The following ATP8A2 variants were observed in gnomAD, a reference collection of about 807,000 sequenced individuals.
ATP8A2 encodes the protein phospholipid-transporting ATPase IB.
In ATP8A2, 100 loss-of-function variants were observed where a neutral mutation model predicts 165.6. The observed-to-expected ratio is 0.60, with a 90% confidence interval of 0.51 to 0.71. ATP8A2 has a LOEUF of 0.71. ATP8A2 is among the 30% of genes least tolerant of loss of function. The pLI is 0.00. For synonymous variants in ATP8A2, 543 were observed against 548.8 expected, an observed-to-expected ratio of 0.99 and a Z score of 0.15; for missense variants, 1,227 against 1,479.5, an observed-to-expected ratio of 0.83 and a Z score of 2.80.
At chr13:25,377,770 C>T (rs1352648657) in intron 1 of ATP8A2, among the ~76,000 whole-genome samples, 1 of 152,046 alleles carries the variant, frequency 6.6e-6, no homozygotes. Flanking sequence ...CCAGTCTGGG[C>T]AACAGGGTGA....
chr13:25,429,193 A>C (rs115876846), intron 1 of ATP8A2, among the ~76,000 whole-genome samples: 3,602 of 151,066 alleles, frequency 0.024, 149 homozygotes, highest in African/African-American at 0.082. Flanking sequence ...CATTGTGAAA[A>C]CTCGTCTCTA....
At chr13:25,812,994 C>A (rs1950916369) in intron 27 of ATP8A2, among the ~76,000 whole-genome samples, 1 of 152,102 alleles carries the variant, frequency 6.6e-6, no homozygotes, top group Admixed American at 6.6e-5. Context: ...AGACCAAACA[C>A]CGCATGGGGA....
intron 25 of ATP8A2, among the ~76,000 whole-genome samples, chr13:25,730,076 AC>A (rs2043585501): frequency 6.9e-6 from 1 of 144,174 alleles, no homozygotes; most frequent in Non-Finnish European, 1.5e-5. Flanking sequence ...GATTGCTTGA[AC>A]CCAGGAGTTT....
At chr13:25,737,692 T>C (rs2043804020) in intron 25 of ATP8A2, among the ~76,000 whole-genome samples, 1 of 152,130 alleles carries the variant, frequency 6.6e-6, no homozygotes, top group African/African-American at 2.4e-5. Flanking sequence ...TATTTTATTT[T>C]ATGTTTTTGA....
intron 34 of ATP8A2, among the ~76,000 whole-genome samples, chr13:25,964,847 T>TGGTTATCACTCTCTTTTGAAA (rs1955742733): frequency 6.6e-6 from 1 of 152,144 alleles, no homozygotes; most frequent in Non-Finnish European, 1.5e-5. Flanking sequence ...TGAACTTTGG[T>TGGTTATCACTCTCTTTTGAAA]GGTTATCACT....
intron 27 of ATP8A2, among the ~76,000 whole-genome samples, chr13:25,781,089 G>A (rs553816464): frequency 1.3e-5 from 2 of 152,196 alleles, no homozygotes; most frequent in East Asian, 1.9e-4. Flanking sequence ...GTGAAACCCC[G>A]TCTCTACTAA....
chr13:25,650,218 A>G (rs1348570097), intron 24 of ATP8A2, among the ~76,000 whole-genome samples: 1 of 152,202 alleles, frequency 6.6e-6, no homozygotes, highest in Non-Finnish European at 1.5e-5. Flanking sequence ...TGTGGACCAC[A>G]CAAGTGACTC....
chr13:25,708,751 G>A (rs771304118), intron 25 of ATP8A2, among the ~76,000 whole-genome samples: 3 of 152,122 alleles, frequency 2.0e-5, no homozygotes, highest in African/African-American at 7.2e-5. Flanking sequence ...TTTCTTACTC[G>A]TTGAACTTTA....
intron 25 of ATP8A2, among the ~76,000 whole-genome samples, chr13:25,714,873 G>A (rs901119147): frequency 6.6e-6 from 1 of 152,162 alleles, no homozygotes; most frequent in Admixed American, 6.5e-5. Flanking sequence ...CCATGTAAGA[G>A]AATGCAAAAG....
At chr13:25,576,845 C>T (rs1053505727) in intron 19 of ATP8A2, among the ~76,000 whole-genome samples, 3 of 152,112 alleles carry the variant, frequency 2.0e-5, no homozygotes, top group Non-Finnish European at 2.9e-5. Flanking sequence ...CGGTCCTAGT[C>T]TATTTTCATG....
chr13:25,966,293 T>C (rs1173106172), intron 34 of ATP8A2, among the ~76,000 whole-genome samples: 1 of 152,188 alleles, frequency 6.6e-6, no homozygotes, highest in African/African-American at 2.4e-5. Context: ...AAGCTATGAC[T>C]CAGAACACGC....
intron 33 of ATP8A2, among the ~76,000 whole-genome samples, chr13:25,908,344 G>A (rs1166622956): frequency 1.3e-5 from 2 of 152,174 alleles, no homozygotes; most frequent in Non-Finnish European, 2.9e-5. Flanking sequence ...CACCCTTCAA[G>A]TTGTCTTGTC....
chr13:25,683,943 T>C (rs2042547455), intron 24 of ATP8A2, among the ~76,000 whole-genome samples: 1 of 152,246 alleles, frequency 6.6e-6, no homozygotes, highest in Non-Finnish European at 1.5e-5. Context: ...ATTTTCATAT[T>C]TCTTCCTTAA....
chr13:25,998,319 C>T (rs1234888729), intron 35 of ATP8A2, among the ~76,000 whole-genome samples: 4 of 152,134 alleles, frequency 2.6e-5, no homozygotes, highest in African/African-American at 9.7e-5. Context: ...AGGATCCCTG[C>T]TTGGTCTTCT....
intron 30 of ATP8A2, among the ~76,000 whole-genome samples, chr13:25,849,230 G>A (rs140023665): frequency 6.3e-4 from 96 of 152,340 alleles, no homozygotes; most frequent in African/African-American, 2.2e-3. Context: ...TGTGATGCCT[G>A]CATTGTTCAG....
intron 1 of ATP8A2, among the ~76,000 whole-genome samples, chr13:25,419,237 C>T (rs973163469): frequency 4.6e-5 from 7 of 152,202 alleles, no homozygotes; most frequent in Non-Finnish European, 7.3e-5. Context: ...CAGTGACTTG[C>T]ACCCTTGGGG....
At chr13:25,954,362 G>A (rs1329234212) in intron 33 of ATP8A2, among the ~76,000 whole-genome samples, 1 of 152,214 alleles carries the variant, frequency 6.6e-6, no homozygotes, top group African/African-American at 2.4e-5. Context: ...CCCAGTCAGG[G>A]TCTTATAGAT....
chr13:25,580,220 G>C (rs1312543936), intron 22 of ATP8A2, among the ~76,000 whole-genome samples: 1 of 152,208 alleles, frequency 6.6e-6, no homozygotes, highest in African/African-American at 2.4e-5. Context: ...GTTTGCTTAA[G>C]ATTAGGCTTA....
At chr13:25,494,604 G>C (rs563439429) in intron 2 of ATP8A2, among the ~76,000 whole-genome samples, 2 of 152,266 alleles carry the variant, frequency 1.3e-5, no homozygotes, top group South Asian at 2.1e-4. Context: ...TGTGGTATCT[G>C]CATCTATATT....
Sources: allele counts gnomAD v4.1 joint callset (sites outside exome capture counted in the v4.1 genomes callset), GRCh38; gene constraint gnomAD v4.1.1; transcripts MANE v1.5; gene names NCBI Gene and HGNC (gene_info 2026-07-23, HGNC 2026-07-21).